RDX: variants seen among roughly 807,000 people sequenced by gnomAD.
RDX encodes the protein radixin, also known as deafness, autosomal recessive 24.
RDX carries 32 observed loss-of-function variants against 83.7 expected under a neutral mutation model. That is an observed-to-expected ratio of 0.38 (90% CI 0.29 to 0.51). RDX has a LOEUF of 0.51. Ranked by LOEUF, RDX falls within the 20% of genes least tolerant of loss-of-function variation. The pLI, the probability that RDX is intolerant of heterozygous loss-of-function variation, is 0.87. For synonymous variants in RDX, 229 were observed against 222.7 expected, an observed-to-expected ratio of 1.03 and a Z score of -0.25; for missense variants, 600 against 689.9, an observed-to-expected ratio of 0.87 and a Z score of 1.46.
Position 110,258,205 on chromosome 11 carries a change from A to G in RDX, c.468-16T>C. ...TTCCAATACACTAAGAGGACCAAAA[A>G]AAAAAAAAAATTATAATGACTTTAA... On this transcript the variant is annotated splice_polypyrimidine_tract_variant and intron_variant, in intron 5 of 13. Transcript: ENST00000645495. 6.6e-7 allele frequency: 1 copy of G among 1,524,210 alleles called. No homozygotes were observed. Among genetic ancestry groups the G allele is most frequent in the Non-Finnish European group, 9.0e-7 (1 of 1,115,680 alleles). The allele number at this position is 1,524,210 out of a possible 1,614,324, so 94.4% of individuals were successfully genotyped here. A position where few individuals can be genotyped will look rare whatever the true frequency, so the allele number is the denominator to read the frequency against.
At chr11:110,263,140 C>A (rs956512422) in intron 5 of RDX, among the ~76,000 whole-genome samples, 1 of 151,836 alleles carries the variant, frequency 6.6e-6, no homozygotes, top group South Asian at 2.1e-4. Flanking sequence ...CTGGGCATGG[C>A]GGCAGATGCC....
chr11:110,179,886 TTTTC>T (rs954079263), intron 15 of RDX: 14 of 430,170 alleles, frequency 3.3e-5, no homozygotes, highest in Non-Finnish European at 5.9e-5. Context: ...TTCTTTTTCT[TTTTC>T]TTTTTCTTTT....
At chr11:110,239,569 T>C (rs1419719414) in intron 10 of RDX, among the ~76,000 whole-genome samples, 1 of 152,094 alleles carries the variant, frequency 6.6e-6, no homozygotes, top group Non-Finnish European at 1.5e-5. Context: ...CCAAAAGCTA[T>C]ATGAAAAAAA....
chr11:110,179,211 G>A (rs757178503), intron 15 of RDX, among the ~76,000 whole-genome samples: 7 of 152,194 alleles, frequency 4.6e-5, no homozygotes, highest in South Asian at 2.1e-4. Flanking sequence ...ATCAAACTAG[G>A]CTTTTTATTT....
Position 110,288,521 on chromosome 11 carries a change from C to T in RDX, c.-65+7946G>A, listed in dbSNP as rs1861078415. 4 of 152,024 alleles carry T rather than the reference C, an allele frequency of 2.6e-5. No homozygotes were observed. In the South Asian group the frequency reaches 8.3e-4, roughly 31 times the overall value. 9.4% of individuals were successfully genotyped at this position (152,024 alleles called of 1,614,324 possible). ...ACTTATATAACAGGAAAGAAGCAAA[C>T]ACAAAATAATTCTCACAAATAATTC... On this transcript the variant is annotated intron_variant, in intron 1 of 13. Coordinates refer to ENST00000645495, the MANE Select transcript of RDX (RefSeq NM_002906.4).
intron 10 of RDX, among the ~76,000 whole-genome samples, chr11:110,245,164 C>A (rs1255958902): frequency 2.0e-5 from 3 of 152,070 alleles, no homozygotes; most frequent in Non-Finnish European, 4.4e-5. Flanking sequence ...GTTGGCCAGG[C>A]TGGTCTTAAA....
chr11:110,237,455 T>C (rs1036338625), intron 11 of RDX, 37 bp downstream of exon 11: 21 of 1,605,690 alleles, frequency 1.3e-5, no homozygotes, highest in Admixed American at 1.7e-5. Flanking sequence ...TCTATGCTTT[T>C]ATTTAAACTT....
intron 14 of RDX, among the ~76,000 whole-genome samples, chr11:110,201,261 C>T (rs902270021): frequency 7.9e-5 from 12 of 151,142 alleles, no homozygotes; most frequent in African/African-American, 2.9e-4. Context: ...ATTATTCTCA[C>T]TGTGATTAAC....
chr11:110,244,363 CAAAAA>C (rs71053874), intron 10 of RDX, among the ~76,000 whole-genome samples: 163 of 51,308 alleles, frequency 3.2e-3, no homozygotes, highest in East Asian at 5.0e-3. Flanking sequence ...GATTCTGGCT[CAAAAA>C]AAAAAAAAAA....
At chr11:110,214,941 T>A (rs1443517582) in intron 14 of RDX, among the ~76,000 whole-genome samples, 27 of 146,642 alleles carry the variant, frequency 1.8e-4, no homozygotes, top group Non-Finnish European at 1.5e-5. Context: ...TGTATACATA[T>A]GTAACTAACC....
intron 11 of RDX, chr11:110,236,395 T>A (rs909228112): frequency 1.7e-5 from 9 of 526,504 alleles, no homozygotes; most frequent in Non-Finnish European, 3.0e-5. Flanking sequence ...AATTAAAAAA[T>A]TACTATTATT....
chr11:110,219,882 G>A (rs749712833), intron 14 of RDX, among the ~76,000 whole-genome samples: 2 of 152,202 alleles, frequency 1.3e-5, no homozygotes, highest in African/African-American at 2.4e-5. Flanking sequence ...TCAGTCTACA[G>A]GTGGTATTTA....
chr11:110,251,956 TG>T (rs984540267), intron 9 of RDX, among the ~76,000 whole-genome samples: 1 of 152,196 alleles, frequency 6.6e-6, no homozygotes, highest in African/African-American at 2.4e-5. Context: ...AGCATACCTC[TG>T]GGCATTCTCC....
intron 10 of RDX, 148 bp downstream of exon 10, chr11:110,247,555 G>A: frequency 1.4e-6 from 1 of 737,190 alleles, no homozygotes. Context: ...ACATGTTTAT[G>A]ATGTGATTCC....
chr11:110,258,017 A>G, intron 6 of RDX, 89 bp downstream of exon 6: 2 of 1,482,964 alleles, frequency 1.3e-6, no homozygotes. Context: ...AAGTCAAACA[A>G]TCTTTTGGAA....
intron 15 of RDX, among the ~76,000 whole-genome samples, chr11:110,175,463 A>C (rs1862749301): frequency 6.6e-6 from 1 of 152,236 alleles, no homozygotes; most frequent in South Asian, 2.1e-4. Context: ...TAGGTAGCCA[A>C]ACAGATTCCC....
Position 110,237,638 on chromosome 11 carries a change from T to G in RDX, c.1105A>C (p.Thr369Pro). ...TGATCCAGTTCTAGAGCTTTTCGAG[T>G]CTGTTCTTCTAGTTCTATGAAATAT... is the stretch of plus-strand genomic sequence containing the variant. The part of the protein sequence containing the change: ...IKAQKELEEQ[T>P]RKALELDQER... Residue 369 changes from threonine to proline, a missense_variant, in exon 11 of 14, where the codon ACT (threonine) becomes CCT (proline). By Grantham distance (38) the Thr-to-Pro change is conservative (BLOSUM62 -1). Coordinates refer to ENST00000645495, the MANE Select transcript of RDX (RefSeq NM_002906.4). The G allele has an allele frequency of 8.1e-6, 13 of 1,614,156 alleles. No individual in the cohort carries two copies. The highest frequency in any genetic ancestry group is 1.1e-5 in the Non-Finnish European group (13 of 1,180,004).
At chr11:110,283,861 A>G (rs1456055636) in intron 1 of RDX, among the ~76,000 whole-genome samples, 1 of 137,820 alleles carries the variant, frequency 7.3e-6, no homozygotes, top group African/African-American at 2.5e-5. Context: ...ATAAATACCA[A>G]AATAAAAAAG....
At chr11:110,259,563 T>C (rs529528621) in intron 5 of RDX, among the ~76,000 whole-genome samples, 2 of 152,358 alleles carry the variant, frequency 1.3e-5, no homozygotes, top group Admixed American at 6.5e-5. Context: ...CATACTGTTA[T>C]GTTCTTATTA....
Sources: allele counts gnomAD v4.1 joint callset (sites outside exome capture counted in the v4.1 genomes callset), GRCh38; gene constraint gnomAD v4.1.1; transcripts MANE v1.5; gene names NCBI Gene and HGNC (gene_info 2026-07-23, HGNC 2026-07-21).